KIAA1958: variants seen among roughly 807,000 people sequenced by gnomAD.
KIAA1958 encodes the protein uncharacterized protein KIAA1958.
Under a neutral mutation model 47.2 loss-of-function variants are expected in KIAA1958, and 14 were observed. The observed-to-expected ratio is 0.30, with a 90% CI of 0.20 to 0.46. The LOEUF is 0.46. Among genes scored for constraint, KIAA1958 ranks in the 20% least tolerant of loss-of-function variants. The pLI, the probability that KIAA1958 is intolerant of heterozygous loss-of-function variation, is 1.00. For missense variants in KIAA1958, 803 were observed against 909.2 expected (o/e 0.88, Z 1.50); for synonymous variants, 354 against 353.3 (o/e 1.00, Z -0.02).
chr9:112,577,601 G>C (rs1185818115), intron 2 of KIAA1958, among the ~76,000 whole-genome samples: 4 of 150,864 alleles, frequency 2.7e-5, no homozygotes, highest in Non-Finnish European at 4.4e-5. Context: ...AGTGTACCCA[G>C]TTTGGTGAGA....
chr9:112,487,653 T>A (rs538574673), intron 1 of KIAA1958, among the ~76,000 whole-genome samples: 39 of 152,118 alleles, frequency 2.6e-4, no homozygotes, highest in Non-Finnish European at 4.6e-4. Flanking sequence ...GGAACGTGCA[T>A]GGCTTCGCTC....
intron 2 of KIAA1958, among the ~76,000 whole-genome samples, chr9:112,642,240 T>A (rs1363416592): frequency 6.6e-6 from 1 of 152,234 alleles, no homozygotes; most frequent in African/African-American, 2.4e-5. Flanking sequence ...CTATGATAAG[T>A]GGCTGAAGAA....
At chr9:112,553,616 T>G (rs1458316505) in intron 1 of KIAA1958, among the ~76,000 whole-genome samples, 1 of 152,222 alleles carries the variant, frequency 6.6e-6, no homozygotes, top group East Asian at 1.9e-4. Context: ...GAATAGAGCT[T>G]GGAACAACAT....
intron 2 of KIAA1958, among the ~76,000 whole-genome samples, chr9:112,627,757 T>A (rs4979139): frequency 0.074 from 11,302 of 152,062 alleles, 597 homozygotes; most frequent in African/African-American, 0.15. Flanking sequence ...CCAACCCCCC[T>A]AAAAAGAAAA....
At chr9:112,531,752 T>C (rs1006304850) in intron 1 of KIAA1958, among the ~76,000 whole-genome samples, 2 of 152,228 alleles carry the variant, frequency 1.3e-5, no homozygotes, top group African/African-American at 4.8e-5. Context: ...GTTTACAGAA[T>C]TGTTCATGTA....
Position 112,666,427 on chromosome 9 carries a change from A to G in KIAA1958, c.*6358A>G, listed in dbSNP as rs1024576797. ...GGGCCCATCCAAGATCAGCCAAACA[A>G]TAAGTAATAGATTCAGGACTAGAGA... On this transcript the variant is annotated 3_prime_UTR_variant, in exon 4 of 4. Coordinates refer to ENST00000337530, the MANE Select transcript of KIAA1958 (RefSeq NM_133465.4). 8 of 152,192 alleles carry G rather than the reference A, an allele frequency of 5.3e-5. No homozygotes were observed. Among genetic ancestry groups the G allele is most frequent in the Non-Finnish European group, 7.3e-5 (5 of 68,032 alleles). 9.4% of individuals were successfully genotyped at this position (152,192 alleles called of 1,614,324 possible). A position where few individuals can be genotyped will look rare whatever the true frequency, so the allele number is the denominator to read the frequency against.
At chr9:112,633,844 T>G (rs1836752557) in intron 2 of KIAA1958, among the ~76,000 whole-genome samples, 1 of 152,236 alleles carries the variant, frequency 6.6e-6, no homozygotes, top group Admixed American at 6.5e-5. Flanking sequence ...TGTATAAATA[T>G]TTTATAATTT....
chr9:112,523,129 TG>T, intron 1 of KIAA1958, among the ~76,000 whole-genome samples: 2 of 152,332 alleles, frequency 1.3e-5, no homozygotes, highest in South Asian at 4.2e-4. Flanking sequence ...TTTGCACTTA[TG>T]ATTCCTTATT....
rs139394385 is a variant in KIAA1958, at chr9:112,588,609, T to C, written c.1171+13358T>C. Among the ~76,000 whole-genome samples, 191 of 152,296 alleles carry C rather than the reference T, an allele frequency of 1.3e-3. 2 individuals carry two copies. The highest frequency in any genetic ancestry group is 4.4e-3 in the East Asian group (23 of 5,188). ...TGTATCTTAGAATCAGTGAAATATA[T>C]TTTTGTTTTGTTACTTTGTGTGTGT... is the stretch of plus-strand genomic sequence containing the variant. On this transcript the variant is annotated intron_variant, in intron 2 of 3. Coordinates refer to ENST00000337530, the MANE Select transcript of KIAA1958 (RefSeq NM_133465.4).
chr9:112,520,183 G>A (rs1174906958), intron 1 of KIAA1958, among the ~76,000 whole-genome samples: 1 of 152,206 alleles, frequency 6.6e-6, no homozygotes, highest in African/African-American at 2.4e-5. Context: ...ATGGAAAATA[G>A]AAAAGATAGA....
At chr9:112,529,915 C>T (rs1834724237) in intron 1 of KIAA1958, among the ~76,000 whole-genome samples, 1 of 152,046 alleles carries the variant, frequency 6.6e-6, no homozygotes, top group Admixed American at 6.5e-5. Flanking sequence ...GCTATCTCGG[C>T]TCACTGCAAG....
At chr9:112,584,357 C>T (rs1401300008) in intron 2 of KIAA1958, among the ~76,000 whole-genome samples, 1 of 151,980 alleles carries the variant, frequency 6.6e-6, no homozygotes, top group African/African-American at 2.4e-5. Context: ...GCTGGTATTC[C>T]GTATACTTTT....
At chr9:112,509,058 T>C (rs976341999) in intron 1 of KIAA1958, among the ~76,000 whole-genome samples, 24 of 151,204 alleles carry the variant, frequency 1.6e-4, no homozygotes, top group Non-Finnish European at 3.4e-4. Flanking sequence ...TAAAAAATTT[T>C]AAAAAGAGCA....
At chr9:112,525,277 T>A (rs962321212) in intron 1 of KIAA1958, among the ~76,000 whole-genome samples, 6 of 152,172 alleles carry the variant, frequency 3.9e-5, no homozygotes, top group African/African-American at 1.2e-4. Flanking sequence ...AGAGAATGTT[T>A]TTACTCTGCT....
chr9:112,612,476 C>T (rs1253091144), intron 2 of KIAA1958, among the ~76,000 whole-genome samples: 2 of 151,700 alleles, frequency 1.3e-5, no homozygotes, highest in Admixed American at 6.6e-5. Flanking sequence ...ATCCAGAGTT[C>T]CTATAAATCA....
intron 2 of KIAA1958, among the ~76,000 whole-genome samples, chr9:112,595,630 A>T (rs545217967): frequency 6.6e-6 from 1 of 151,142 alleles, no homozygotes; most frequent in African/African-American, 2.4e-5. Context: ...GTGAGCTGAC[A>T]TCATGCCACT....
At chr9:112,502,919 G>T (rs924755288) in intron 1 of KIAA1958, among the ~76,000 whole-genome samples, 4 of 152,156 alleles carry the variant, frequency 2.6e-5, no homozygotes, top group African/African-American at 9.7e-5. Flanking sequence ...GATAAAACTG[G>T]ATCTAGCCAT....
intron 3 of KIAA1958, among the ~76,000 whole-genome samples, chr9:112,658,739 C>A (rs1350156383): frequency 1.3e-5 from 2 of 149,310 alleles, no homozygotes; most frequent in Non-Finnish European, 3.0e-5. Context: ...GTGGGCAGAT[C>A]ACGAGGTCAG....
chr9:112,583,836 G>A (rs1835777256), intron 2 of KIAA1958, among the ~76,000 whole-genome samples: 1 of 152,118 alleles, frequency 6.6e-6, no homozygotes, highest in Non-Finnish European at 1.5e-5. Flanking sequence ...TTCGAGGAGG[G>A]GGTAATGGAA....
Sources: gnomAD v4.1 joint callset for allele counts (sites outside exome capture counted in the v4.1 genomes callset) on GRCh38, gnomAD v4.1.1 for gene constraint, MANE v1.5 for transcripts, NCBI Gene and HGNC (gene_info 2026-07-23, HGNC 2026-07-21) for gene names.